Variants in ADGRB3 observed in about 807,000 individuals in gnomAD.
ADGRB3 encodes adhesion G protein-coupled receptor B3.
ADGRB3 carries 37 observed loss-of-function variants against 193.4 expected under a neutral mutation model. The ratio of observed to expected loss-of-function variants is 0.19; its 90% confidence interval spans 0.15 to 0.25. The LOEUF is 0.25. Among genes scored for constraint, ADGRB3 ranks in the 10% least tolerant of loss-of-function variants. The pLI, the probability that ADGRB3 is intolerant of heterozygous loss-of-function variation, is 1.00. For synonymous variants in ADGRB3, 690 were observed against 644.2 expected (o/e 1.07, Z -1.08); for missense variants, 1,637 against 1,852.9 (o/e 0.88, Z 2.14).
chr6:68,996,382 A>G (rs1582380649), intron 11 of ADGRB3, among the ~76,000 whole-genome samples: 2 of 152,146 alleles, frequency 1.3e-5, no homozygotes, highest in Admixed American at 6.6e-5. Context: ...CTGTGGTACT[A>G]TAATTTATCA....
chr6:68,930,287 A>C (rs1271281991), intron 3 of ADGRB3, among the ~76,000 whole-genome samples: 3 of 152,072 alleles, frequency 2.0e-5, no homozygotes, highest in Non-Finnish European at 4.4e-5. Context: ...TCAAAACCTT[A>C]TCAGAAAAGA....
At chr6:69,377,247 C>A (rs138953866) in intron 30 of ADGRB3, among the ~76,000 whole-genome samples, 46 of 152,148 alleles carry the variant, frequency 3.0e-4, no homozygotes, top group African/African-American at 9.6e-4. Flanking sequence ...GGTGCTTTGG[C>A]ATACTGAGTG....
chr6:68,988,899 A>G (rs2150272711), intron 10 of ADGRB3, among the ~76,000 whole-genome samples: 1 of 152,270 alleles, frequency 6.6e-6, no homozygotes, highest in East Asian at 1.9e-4. Context: ...GGAGAAGAGG[A>G]AATAAATTGC....
chr6:68,975,370 T>G (rs756906027), intron 10 of ADGRB3, 30 bp downstream of exon 10: 2 of 1,544,166 alleles, frequency 1.3e-6, no homozygotes, highest in African/African-American at 2.7e-5. Context: ...TAGTACTTGC[T>G]CTGTTTATTT....
At position 69,146,813 on chromosome 6, in the gene ADGRB3, C is replaced by T. The variant is rs546021865; in HGVS notation, c.2480+70775C>T. On this transcript the variant is annotated intron_variant, in intron 17 of 31. Transcript: ENST00000370598. ...AGACTTTTTACTATCGCTTCAATCTCATTACTTCTTTTTTTTTTTTTTTTT... is the reference window on the plus strand; with the variant it reads ...AGACTTTTTACTATCGCTTCAATCTTATTACTTCTTTTTTTTTTTTTTTTT... Among the ~76,000 whole-genome samples, 40 of 134,134 alleles carry T rather than the reference C, an allele frequency of 3.0e-4. No homozygotes were observed. The East Asian group carries it at 8.9e-3, about 30-fold the overall frequency. The allele number at this position is 134,134 out of a possible 152,430, so 88.0% of individuals were successfully genotyped here.
intron 3 of ADGRB3, among the ~76,000 whole-genome samples, chr6:68,704,918 T>C (rs1765300047): frequency 6.6e-6 from 1 of 152,216 alleles, no homozygotes; most frequent in Admixed American, 6.5e-5. Context: ...GCTTTAAACA[T>C]ATCAGTCTCT....
chr6:69,094,814 A>T (rs1311463265), intron 17 of ADGRB3, among the ~76,000 whole-genome samples: 3 of 152,192 alleles, frequency 2.0e-5, no homozygotes, highest in Non-Finnish European at 4.4e-5. Flanking sequence ...AGATACTACC[A>T]ATGTAGTATC....
intron 3 of ADGRB3, among the ~76,000 whole-genome samples, chr6:68,887,203 T>A (rs1433384158): frequency 1.3e-5 from 2 of 151,992 alleles, no homozygotes; most frequent in Non-Finnish European, 2.9e-5. Flanking sequence ...TCAAATTGCC[T>A]TATATAGTTC....
At chr6:69,210,229 A>C (rs543561826) in intron 17 of ADGRB3, among the ~76,000 whole-genome samples, 1 of 146,380 alleles carries the variant, frequency 6.8e-6, no homozygotes, top group African/African-American at 2.6e-5. Context: ...GGTCATCTGC[A>C]GACTGAGGAG....
intron 3 of ADGRB3, among the ~76,000 whole-genome samples, chr6:68,860,891 C>A (rs1399301525): frequency 6.6e-6 from 1 of 151,618 alleles, no homozygotes; most frequent in African/African-American, 2.4e-5. Flanking sequence ...TTTTTAAGAG[C>A]AGTGGATATT....
intron 3 of ADGRB3, among the ~76,000 whole-genome samples, chr6:68,813,566 CTT>C: frequency 6.9e-6 from 1 of 145,616 alleles, no homozygotes; most frequent in Admixed American, 6.9e-5. Context: ...TAATGGAATG[CTT>C]TTTTTTTTTT....
chr6:69,214,585 A>G (rs1765735884), intron 17 of ADGRB3, among the ~76,000 whole-genome samples: 1 of 151,996 alleles, frequency 6.6e-6, no homozygotes, highest in South Asian at 2.1e-4. Flanking sequence ...GATCCCCCAA[A>G]TCTACTTAGG....
chr6:68,979,298 C>A (rs963432211), intron 10 of ADGRB3, among the ~76,000 whole-genome samples: 1 of 151,318 alleles, frequency 6.6e-6, no homozygotes, highest in Non-Finnish European at 1.5e-5. Context: ...TGCATGTTAA[C>A]CACATGAAAG....
At chr6:69,059,851 C>T (rs1771673306) in intron 15 of ADGRB3, among the ~76,000 whole-genome samples, 1 of 152,042 alleles carries the variant, frequency 6.6e-6, no homozygotes, top group South Asian at 2.1e-4. Context: ...TTTAAATCAA[C>T]TTGTTAAAAT....
At chr6:69,388,146 C>CA (rs1332746425) in intron 31 of ADGRB3, among the ~76,000 whole-genome samples, 1 of 151,900 alleles carries the variant, frequency 6.6e-6, no homozygotes, top group Admixed American at 6.6e-5. Flanking sequence ...TATTCTACAA[C>CA]AAAAAACTCA....
intron 3 of ADGRB3, among the ~76,000 whole-genome samples, chr6:68,694,193 G>A (rs1482276452): frequency 1.3e-5 from 2 of 152,018 alleles, no homozygotes; most frequent in Admixed American, 1.3e-4. Flanking sequence ...TGCAAATTTA[G>A]GACTGTTGAC....
At chr6:68,775,060 G>A (rs1766711684) in intron 3 of ADGRB3, among the ~76,000 whole-genome samples, 1 of 145,548 alleles carries the variant, frequency 6.9e-6, no homozygotes, top group Non-Finnish European at 1.5e-5. Context: ...TGTGGCCTTA[G>A]AGTGAAGATA....
chr6:69,367,200 G>T (rs2127336882), intron 29 of ADGRB3, among the ~76,000 whole-genome samples: 1 of 152,206 alleles, frequency 6.6e-6, no homozygotes, highest in South Asian at 2.1e-4. Flanking sequence ...ATTCTCATAA[G>T]ATCACAATAC....
At chr6:69,156,014 C>G (rs1774828858) in intron 17 of ADGRB3, among the ~76,000 whole-genome samples, 1 of 151,944 alleles carries the variant, frequency 6.6e-6, no homozygotes, top group Non-Finnish European at 1.5e-5. Context: ...AATTAGAAGA[C>G]TCATTAATTT....
Sources: allele counts gnomAD v4.1 joint callset (sites outside exome capture counted in the v4.1 genomes callset), GRCh38; gene constraint gnomAD v4.1.1; transcripts MANE v1.5; gene names NCBI Gene and HGNC (gene_info 2026-07-23, HGNC 2026-07-21).